The following LOX variants were observed in gnomAD, a reference collection of about 807,000 sequenced individuals.
LOX encodes lysyl oxidase.
LOX carries 12 observed loss-of-function variants against 50.5 expected under a neutral mutation model. That is an observed-to-expected ratio of 0.24 (90% CI 0.15 to 0.38). The LOEUF is 0.38. Ranked by LOEUF, LOX falls within the 10% of genes least tolerant of loss-of-function variation. LOX has a pLI of 1.00. For missense variants in LOX, 504 were observed against 563.8 expected, an observed-to-expected ratio of 0.89 and a Z score of 1.07; for synonymous variants, 254 against 230.6, an observed-to-expected ratio of 1.10 and a Z score of -0.92.
Position 122,077,933 on chromosome 5 carries a change from A to C in LOX, c.53T>G (p.Leu18Arg), listed in dbSNP as rs776769725. Residue 18 changes from leucine (L) to arginine (R), a missense_variant, in exon 1 of 7, where the codon CTA becomes CGA. Physicochemically the swap from Leu to Arg is moderately radical, Grantham distance 102. Around this residue, in one of 2 missense-constraint regions of LOX, gnomAD observed 398 missense variants for 365.8 expected, o/e 1.09. Coordinates refer to ENST00000231004, the MANE Select transcript of LOX (RefSeq NM_002317.7). The surrounding 1 kb of genome is among the most constrained non-coding windows in gnomAD (Gnocchi z 4.9). The stretch of plus-strand genomic sequence containing the variant: ...GGCGGCGGGAGGGGCGCAGTGCACT[A>C]GCGCGCAGAGCTGCAAAGGCCCGAG... ...LLLGPLQLCA[L>R]VHCAPPAAGQ... 1 of 1,500,468 alleles carries C rather than the reference A, an allele frequency of 6.7e-7. No homozygotes were observed. The highest frequency in any genetic ancestry group is 2.5e-5 in the East Asian group (1 of 39,632). The allele number at this position is 1,500,468 out of a possible 1,614,324, so 92.9% of individuals were successfully genotyped here.
Position 122,077,724 on chromosome 5 carries a change from G to T in LOX, c.262C>A (p.Arg88Ser), listed in dbSNP as rs997637411. ...GAANASAQQP[R>S]TPILLIRDNR... ...TCGCGGATCAGCAGGATCGGAGTGCGGGGCTGCTGGGCGGAGGCGTTGGCT... is the reference window on the plus strand; with the variant it reads ...TCGCGGATCAGCAGGATCGGAGTGCTGGGCTGCTGGGCGGAGGCGTTGGCT... The change falls in exon 1 of 7, where the codon CGC becomes AGC. Residue 88 changes from arginine (R) to serine (S), a missense_variant. Around this residue, in one of 2 missense-constraint regions of LOX, gnomAD observed 398 missense variants for 365.8 expected, o/e 1.09. Coordinates refer to ENST00000231004, the MANE Select transcript of LOX (RefSeq NM_002317.7). The surrounding 1 kb of genome is among the most constrained non-coding windows in gnomAD (Gnocchi z 4.9). 5 of 1,580,990 alleles carry T rather than the reference G, an allele frequency of 3.2e-6. No homozygotes were observed. Among genetic ancestry groups the T allele is most frequent in the Admixed American group, 1.8e-5 (1 of 55,824 alleles).
intron 5 of LOX, 113 bp from the exon 6 acceptor site, chr5:122,070,281 G>A: frequency 1.4e-6 from 1 of 709,378 alleles, no homozygotes; most frequent in East Asian, 2.6e-5. Context: ...ACTTAAGTAA[G>A]TGGTTAAACT....
At chr5:122,075,008 C>T (rs981673901) in intron 3 of LOX, among the ~76,000 whole-genome samples, 3 of 152,200 alleles carry the variant, frequency 2.0e-5, no homozygotes, top group Non-Finnish European at 2.9e-5. Flanking sequence ...GATGTATCAT[C>T]TACATCTTTC....
Position 122,077,857 on chromosome 5 carries a change from G to A in LOX, c.129C>T (p.Arg43=). Residue 43 remains arginine, a synonymous_variant, in exon 1 of 7, where the codon CGC becomes CGT. Transcript: ENST00000231004. This position sits in a 1 kb window ranked among gnomAD's most constrained non-coding sequence, Gnocchi z 4.9. The part of the protein sequence containing the change: ...REPPAAPGAW[R]QQIQWENNGQ... Reference sequence around the variant, plus strand: ...CGTTGTTCTCCCATTGGATCTGCTGGCGCCAGGCGCCCGGAGCCGCCGGCG... The same window carrying A: ...CGTTGTTCTCCCATTGGATCTGCTGACGCCAGGCGCCCGGAGCCGCCGGCG... 1 of 1,539,886 alleles carries A rather than the reference G, an allele frequency of 6.5e-7. No homozygotes were observed. Among genetic ancestry groups the A allele is most frequent in the Non-Finnish European group, 8.7e-7 (1 of 1,148,356 alleles).
At chr5:122,075,723 C>T (rs1050637711) in intron 2 of LOX, among the ~76,000 whole-genome samples, 182 bp from the exon 3 acceptor site, 8 of 152,002 alleles carry the variant, frequency 5.3e-5, no homozygotes, top group Non-Finnish European at 7.4e-5. Flanking sequence ...CTCCTAGAAC[C>T]GTCTTGGAGT....
At chr5:122,067,492 A>G (rs1754330236) in intron 6 of LOX, among the ~76,000 whole-genome samples, 1 of 152,100 alleles carries the variant, frequency 6.6e-6, no homozygotes, top group African/African-American at 2.4e-5. Flanking sequence ...AGGAAAAGCA[A>G]TCAGTGAACT....
At chr5:122,070,405 A>T in intron 5 of LOX, 89 bp downstream of exon 5, 1 of 732,820 alleles carries the variant, frequency 1.4e-6, no homozygotes, top group Non-Finnish European at 2.4e-6. Flanking sequence ...AATTGCTTCC[A>T]ATACCATGAT....
chr5:122,076,935 A>T lies in LOX; in HGVS notation c.698T>A (p.Met233Lys). Residue 233 changes from methionine (M) to lysine (K), a missense_variant, in exon 2 of 7, where the codon ATG becomes AAG. Coordinates refer to ENST00000231004, the MANE Select transcript of LOX (RefSeq NM_002317.7). ...QASTYVQKMS[M>K]YNLRCAAEEN... The stretch of plus-strand genomic sequence containing the variant: ...CTCCGCCGCGCATCTCAGGTTGTAC[A>T]TGGACATCTTCTGCACGTACGTGGA... The T allele has an allele frequency of 1.2e-6, 2 of 1,613,808 alleles. No individual in the cohort carries two copies. Among genetic ancestry groups the T allele is most frequent in the Non-Finnish European group, 1.7e-6 (2 of 1,179,952 alleles).
In LOX at chr5:122,076,880, T is replaced by C. The variant is rs748533916; in HGVS notation, c.740+13A>G. On this transcript the variant is annotated intron_variant, in intron 2 of 6. Transcript: ENST00000231004. Reference sequence around the variant, plus strand: ...AGACCGGGGAGCGGGGCCTCAGACATATCAGCCCGTACCTGGCCAGACAGT... The same window carrying C: ...AGACCGGGGAGCGGGGCCTCAGACACATCAGCCCGTACCTGGCCAGACAGT... 2 of 1,612,624 alleles carry C rather than the reference T, an allele frequency of 1.2e-6. No homozygotes were observed. The highest frequency in any genetic ancestry group is 1.1e-5 in the South Asian group (1 of 91,060).
intron 3 of LOX, 67 bp downstream of exon 3, chr5:122,075,336 TG>T (rs1307443735): frequency 1.4e-6 from 2 of 1,382,940 alleles, no homozygotes; most frequent in African/African-American, 2.9e-5. Context: ...GACTTGCATT[TG>T]TGATATCAAA....
Position 122,077,703 on chromosome 5 carries a change from G to C in LOX, c.283C>G (p.Arg95Gly), listed in dbSNP as rs767792972. The change falls in exon 1 of 7, where the codon CGC becomes GGC. Residue 95 changes from arginine (R) to glycine (G), a missense_variant. By Grantham distance (125) the Arg-to-Gly change is moderately radical. Coordinates refer to ENST00000231004, the MANE Select transcript of LOX (RefSeq NM_002317.7). The surrounding 1 kb of genome is among the most constrained non-coding windows in gnomAD (Gnocchi z 4.9). The part of the protein sequence containing the change: ...QQPRTPILLI[R>G]DNRTAAARTR... The stretch of plus-strand genomic sequence containing the variant: ...CGCGCCGCGGCGGTGCGGTTGTCGC[G>C]GATCAGCAGGATCGGAGTGCGGGGC... 5.0e-6 allele frequency: 8 copies of C among 1,592,020 alleles called. No individual in the cohort carries two copies. Among genetic ancestry groups the C allele is most frequent in the Non-Finnish European group, 6.8e-6 (8 of 1,172,490 alleles).
intron 3 of LOX, among the ~76,000 whole-genome samples, chr5:122,074,600 T>C (rs1406429691): frequency 6.6e-6 from 1 of 152,208 alleles, no homozygotes; most frequent in Non-Finnish European, 1.5e-5. Context: ...TTCTCACATA[T>C]TTAAAATCAT....
Position 122,069,519 on chromosome 5 carries a change from G to C in LOX, c.1247+534C>G, listed in dbSNP as rs915944870. ...GTCTCAGGAGTAGGAATATTATGAA[G>C]AAACCTCCACACACCTCAATCTTTT... On this transcript the variant is annotated intron_variant, in intron 6 of 6. Coordinates refer to ENST00000231004, the MANE Select transcript of LOX (RefSeq NM_002317.7). Among the ~76,000 whole-genome samples the C allele has an allele frequency of 2.2e-4, 33 of 152,070 alleles. 1 individual carries two copies. The highest frequency in any genetic ancestry group is 2.2e-3 in the Admixed American group (33 of 15,268).
chr5:122,069,731 G>T (rs1306130799), intron 6 of LOX, among the ~76,000 whole-genome samples: 1 of 152,026 alleles, frequency 6.6e-6, no homozygotes, highest in Non-Finnish European at 1.5e-5. Flanking sequence ...AACTACTGGG[G>T]CTTCTACAAG....
chr5:122,070,972 C>T (rs74719488), intron 4 of LOX, among the ~76,000 whole-genome samples: 95 of 152,174 alleles, frequency 6.2e-4, no homozygotes, highest in African/African-American at 1.9e-3. Flanking sequence ...CCCAGTTTCC[C>T]CTTTTGGAAA....
rs1754249517 is a variant in LOX, at chr5:122,064,599, A to C, written c.*2144T>G. 6.6e-6 allele frequency: 1 copy of C among 151,988 alleles called. No homozygotes were observed. Among genetic ancestry groups the C allele is most frequent in the Admixed American group, 6.6e-5 (1 of 15,224 alleles). The allele number at this position is 151,988 out of a possible 1,614,324, so 9.4% of individuals were successfully genotyped here. A position where few individuals can be genotyped will look rare whatever the true frequency, so the allele number is the denominator to read the frequency against. ...TTAAAAATAAATTATGGTCATGAAA[A>C]ACAATAGTGCTTAAAATTGAAATTT... On this transcript the variant is annotated 3_prime_UTR_variant, in exon 7 of 7. Transcript: ENST00000231004.
At position 122,065,908 on chromosome 5, in the gene LOX, T is replaced by C. The variant is rs1255273647; in HGVS notation, c.*835A>G. On this transcript the variant is annotated 3_prime_UTR_variant, in exon 7 of 7. Coordinates refer to ENST00000231004, the MANE Select transcript of LOX (RefSeq NM_002317.7). ...GTATCACATCAGTCATCAAAATGAC[T>C]TTCCAGTTTCACGGCTGCCTTATGT... 1 of 152,106 alleles carries C rather than the reference T, an allele frequency of 6.6e-6. No individual in the cohort carries two copies. Among genetic ancestry groups the C allele is most frequent in the Non-Finnish European group, 1.5e-5 (1 of 68,006 alleles). The allele number at this position is 152,106 out of a possible 1,614,324, so 9.4% of individuals were successfully genotyped here.
chr5:122,077,184 G>A lies in LOX; in HGVS notation c.631+171C>T. Reference sequence around the variant, plus strand: ...AAAGCAATGTGAAAAGGAAGCAGGAGGGGCCAGACGCGCGGTTTGCACTGG... The same window carrying A: ...AAAGCAATGTGAAAAGGAAGCAGGAAGGGCCAGACGCGCGGTTTGCACTGG... On this transcript the variant is annotated intron_variant, in intron 1 of 6. Transcript: ENST00000231004. The surrounding 1 kb of genome is among the most constrained non-coding windows in gnomAD (Gnocchi z 4.9). 1.4e-6 allele frequency: 2 copies of A among 1,466,014 alleles called. No homozygotes were observed. Among genetic ancestry groups the A allele is most frequent in the Admixed American group, 2.5e-5 (1 of 40,704 alleles). The allele number at this position is 1,466,014 out of a possible 1,614,324, so 90.8% of individuals were successfully genotyped here.
At chr5:122,070,295 G>C in intron 5 of LOX, 127 bp from the exon 6 acceptor site, 1 of 675,708 alleles carries the variant, frequency 1.5e-6, no homozygotes, top group African/African-American at 1.8e-5. Context: ...TTAAACTCTG[G>C]AGACGTTATG....
Sources: allele counts gnomAD v4.1 joint callset (sites outside exome capture counted in the v4.1 genomes callset), GRCh38; gene constraint gnomAD v4.1.1; regional missense constraint gnomAD v4.1.1; non-coding constraint Gnocchi (gnomAD v3.1); transcripts MANE v1.5; gene names NCBI Gene and HGNC (gene_info 2026-07-23, HGNC 2026-07-21).